Variants in CTNND2 observed in about 807,000 individuals in gnomAD.
CTNND2 encodes catenin delta 2, also known as catenin delta-2.
A neutral mutation model predicts 144.4 loss-of-function variants in CTNND2; 22 were observed. The ratio of observed to expected loss-of-function variants is 0.15; its 90% confidence interval spans 0.11 to 0.22. CTNND2 has a LOEUF of 0.22. Among genes scored for constraint, CTNND2 ranks in the 10% least tolerant of loss-of-function variants. CTNND2 has a pLI of 1.00. For missense variants in CTNND2, 1,353 were observed against 1,618.8 expected (o/e 0.84, Z 2.82); for synonymous variants, 751 against 695.6 (o/e 1.08, Z -1.25).
At chr5:11,062,784 T>A (rs921925361) in intron 16 of CTNND2, among the ~76,000 whole-genome samples, 1 of 152,242 alleles carries the variant, frequency 6.6e-6, no homozygotes, top group African/African-American at 2.4e-5. Flanking sequence ...TTATGCACTC[T>A]GAACAAAACT....
chr5:11,082,998 G>T (rs1487936866), intron 15 of CTNND2, 152 bp from the exon 16 acceptor site: 18 of 843,460 alleles, frequency 2.1e-5, no homozygotes, highest in Non-Finnish European at 3.0e-5. Flanking sequence ...CGTTAGACAT[G>T]CATTTAAACT....
chr5:11,523,176 G>C (rs1772913145), intron 3 of CTNND2, among the ~76,000 whole-genome samples: 2 of 152,202 alleles, frequency 1.3e-5, no homozygotes, highest in Non-Finnish European at 2.9e-5. Flanking sequence ...GAAACGATCA[G>C]TCTTTTTCCA....
chr5:10,977,877 A>G (rs1736694176), intron 21 of CTNND2, among the ~76,000 whole-genome samples: 1 of 152,196 alleles, frequency 6.6e-6, no homozygotes, highest in Non-Finnish European at 1.5e-5. Flanking sequence ...TTCACTGAAA[A>G]TGTGCCTGAG....
At chr5:10,996,151 A>C (rs10051353) in intron 18 of CTNND2, among the ~76,000 whole-genome samples, 26,405 of 152,168 alleles carry the variant, frequency 0.17, 2,550 homozygotes, top group Non-Finnish European at 0.23. Context: ...CTCCAGCCAC[A>C]GTCAGCTGCC....
chr5:11,793,253 T>C (rs1208007638), intron 1 of CTNND2, among the ~76,000 whole-genome samples: 2 of 152,152 alleles, frequency 1.3e-5, no homozygotes, highest in Non-Finnish European at 2.9e-5. Context: ...TACTTGCTCC[T>C]CTCCATTTTC....
intron 9 of CTNND2, among the ~76,000 whole-genome samples, chr5:11,237,358 T>A (rs1380649864): frequency 6.6e-6 from 1 of 152,158 alleles, no homozygotes; most frequent in Non-Finnish European, 1.5e-5. Flanking sequence ...ATACTACATA[T>A]ATTGGTTTTA....
intron 1 of CTNND2, among the ~76,000 whole-genome samples, chr5:11,845,068 C>T (rs1261521550): frequency 6.6e-6 from 1 of 152,062 alleles, no homozygotes; most frequent in African/African-American, 2.4e-5. Context: ...GCCGAGGACG[C>T]ATAAGGAAGC....
intron 17 of CTNND2, among the ~76,000 whole-genome samples, chr5:11,020,052 T>G (rs1207917143): frequency 6.6e-6 from 1 of 152,186 alleles, no homozygotes; most frequent in Non-Finnish European, 1.5e-5. Context: ...TCAGGGGTGG[T>G]GAGGACTTCA....
intron 21 of CTNND2, among the ~76,000 whole-genome samples, chr5:10,981,257 A>G (rs1047336953): frequency 6.6e-6 from 1 of 152,216 alleles, no homozygotes; most frequent in Non-Finnish European, 1.5e-5. Flanking sequence ...GACTTTGAGT[A>G]GCAAGACACT....
At chr5:11,887,053 G>A (rs1028537507) in intron 1 of CTNND2, among the ~76,000 whole-genome samples, 8 of 134,498 alleles carry the variant, frequency 5.9e-5, no homozygotes, top group Non-Finnish European at 4.6e-5. Context: ...GCGCGATCTC[G>A]GCTCACTGCA....
chr5:11,764,989 A>C (rs759810715), intron 1 of CTNND2, among the ~76,000 whole-genome samples: 2 of 152,178 alleles, frequency 1.3e-5, no homozygotes, highest in Non-Finnish European at 2.9e-5. Context: ...ATGGGGCAAC[A>C]TGAATATGGT....
At chr5:11,100,651 A>G (rs1039397003) in intron 14 of CTNND2, among the ~76,000 whole-genome samples, 5 of 152,308 alleles carry the variant, frequency 3.3e-5, no homozygotes, top group African/African-American at 1.2e-4. Flanking sequence ...GAAATGGCAA[A>G]TTATTTCTTT....
intron 1 of CTNND2, among the ~76,000 whole-genome samples, chr5:11,842,635 C>T (rs1398927813): frequency 1.3e-5 from 2 of 151,128 alleles, no homozygotes; most frequent in Admixed American, 1.3e-4. Flanking sequence ...AGGAGAACCG[C>T]GTGAACCTGG....
chr5:11,207,945 G>C (rs755119832), intron 10 of CTNND2, among the ~76,000 whole-genome samples: 3 of 151,984 alleles, frequency 2.0e-5, no homozygotes, highest in Non-Finnish European at 4.4e-5. Context: ...AGATTATCAA[G>C]ATTGATGAAA....
At position 11,863,543 on chromosome 5, in the gene CTNND2, T is replaced by C. The variant is rs192743976; in HGVS notation, c.37+40274A>G. On this transcript the variant is annotated intron_variant, in intron 1 of 21. Coordinates refer to ENST00000304623, the MANE Select transcript of CTNND2 (RefSeq NM_001332.4). Reference sequence around the variant, plus strand: ...TGATTATAGATGCTTGGATATGTGTTACATGGGCAAACCAGGAAGTGAAAG... The same window carrying C: ...TGATTATAGATGCTTGGATATGTGTCACATGGGCAAACCAGGAAGTGAAAG... Among the ~76,000 whole-genome samples, 5 of 152,302 alleles carry C rather than the reference T, an allele frequency of 3.3e-5. No individual in the cohort carries two copies. The East Asian group carries it at 9.7e-4, about 29-fold the overall frequency.
At chr5:11,818,663 C>T (rs529068582) in intron 1 of CTNND2, among the ~76,000 whole-genome samples, 3 of 152,116 alleles carry the variant, frequency 2.0e-5, no homozygotes, top group Admixed American at 6.6e-5. Flanking sequence ...CCACCGCCCA[C>T]GGCCCTGTAT....
intron 9 of CTNND2, among the ~76,000 whole-genome samples, chr5:11,264,453 T>C (rs1194625321): frequency 1.3e-5 from 2 of 152,162 alleles, no homozygotes; most frequent in African/African-American, 4.8e-5. Context: ...AGGAAGATAA[T>C]GGTTTTACTG....
At chr5:11,418,457 G>A (rs1762085335) in intron 3 of CTNND2, among the ~76,000 whole-genome samples, 1 of 152,096 alleles carries the variant, frequency 6.6e-6, no homozygotes. Context: ...AAGAGCTCTT[G>A]TTAGAGCAAT....
intron 2 of CTNND2, among the ~76,000 whole-genome samples, chr5:11,592,038 A>G (rs901029411): frequency 6.9e-6 from 1 of 145,510 alleles, no homozygotes; most frequent in Admixed American, 7.2e-5. Context: ...ATAGAGCTTC[A>G]TCTCTCCTGT....
Sources: allele counts gnomAD v4.1 joint callset (sites outside exome capture counted in the v4.1 genomes callset), GRCh38; gene constraint gnomAD v4.1.1; transcripts MANE v1.5; gene names NCBI Gene and HGNC (gene_info 2026-07-23, HGNC 2026-07-21).